CFAP141: variants seen among roughly 807,000 people sequenced by gnomAD.
CFAP141 encodes the protein cilia and flagella associated protein 141, also known as cilia- and flagella-associated protein 141.
chr1:154,205,527 G>A, the CFAP141 span: 9 of 1,386,290 alleles, frequency 6.5e-6, no homozygotes, highest in South Asian at 2.3e-5. Context: ...GAGTTGGGAG[G>A]TGGCTCAGGG....
the CFAP141 span, among the ~76,000 whole-genome samples, chr1:154,200,228 C>T: frequency 6.6e-6 from 1 of 152,202 alleles, no homozygotes; most frequent in South Asian, 2.1e-4. Flanking sequence ...CTAGAGTATA[C>T]TTTGGGACTT....
At chr1:154,201,587 C>T in the CFAP141 span, among the ~76,000 whole-genome samples, 1 of 151,628 alleles carries the variant, frequency 6.6e-6, no homozygotes, top group Non-Finnish European at 1.5e-5. Flanking sequence ...GAGGTTTCAC[C>T]GTGTTGGCCA....
At chr1:154,202,866 A>G in the CFAP141 span, among the ~76,000 whole-genome samples, 1 of 151,470 alleles carries the variant, frequency 6.6e-6, no homozygotes, top group Non-Finnish European at 1.5e-5. Context: ...CATGCCTGTA[A>G]TCCCAGCACT....
At chr1:154,200,668 GTTTCTTTTTTCTT>G in the CFAP141 span, 2 of 1,427,782 alleles carry the variant, frequency 1.4e-6, no homozygotes, top group African/African-American at 2.9e-5. Context: ...GAGTGAGGCT[GTTTCTTTTTTCTT>G]TTTCTTTTCT....
At chr1:154,205,487 C>T in the CFAP141 span, 2 of 1,007,664 alleles carry the variant, frequency 2.0e-6, no homozygotes, top group Non-Finnish European at 3.2e-6. Flanking sequence ...ATCTGTTTTC[C>T]TCTTGATGAG....
At chr1:154,201,234 G>C in the CFAP141 span, among the ~76,000 whole-genome samples, 4 of 152,080 alleles carry the variant, frequency 2.6e-5, no homozygotes, top group Non-Finnish European at 5.9e-5. Flanking sequence ...GGGTTCAAGT[G>C]ATTCTCCTGC....
At chr1:154,199,165 GC>G in the CFAP141 span, among the ~76,000 whole-genome samples, 1 of 150,972 alleles carries the variant, frequency 6.6e-6, no homozygotes, top group Admixed American at 6.6e-5. Context: ...CCCCACCCCT[GC>G]CCCCTTACAT....
chr1:154,203,598 T>A, the CFAP141 span, among the ~76,000 whole-genome samples: 1 of 151,958 alleles, frequency 6.6e-6, no homozygotes, highest in Non-Finnish European at 1.5e-5. Flanking sequence ...TTTTTATTTT[T>A]TTGTAGAGAC....
the CFAP141 span, among the ~76,000 whole-genome samples, chr1:154,203,770 C>CT: frequency 6.6e-6 from 1 of 151,556 alleles, no homozygotes; most frequent in Non-Finnish European, 1.5e-5. Flanking sequence ...AGTACATCTT[C>CT]TTTTTTAAAA....
At chr1:154,200,549 T>C in the CFAP141 span, 1 of 1,614,106 alleles carries the variant, frequency 6.2e-7, no homozygotes, top group Non-Finnish European at 8.5e-7. Flanking sequence ...TCTGGCCCAA[T>C]GCCATTTGCC....
the CFAP141 span, among the ~76,000 whole-genome samples, chr1:154,199,207 G>A: frequency 6.6e-6 from 1 of 152,060 alleles, no homozygotes; most frequent in Non-Finnish European, 1.5e-5. Context: ...TGACCACAAG[G>A]CGTCACTCTT....
At chr1:154,205,253 C>T in the CFAP141 span, among the ~76,000 whole-genome samples, 1 of 152,158 alleles carries the variant, frequency 6.6e-6, no homozygotes. Context: ...TCTTCTCATT[C>T]ACTGGTTCAA....
At chr1:154,204,582 A>G in the CFAP141 span, among the ~76,000 whole-genome samples, 1 of 148,842 alleles carries the variant, frequency 6.7e-6, no homozygotes, top group African/African-American at 2.5e-5. Flanking sequence ...TGCCCAGCTC[A>G]TTTTGTTTTG....
the CFAP141 span, among the ~76,000 whole-genome samples, chr1:154,199,741 T>G: frequency 6.6e-6 from 1 of 152,262 alleles, no homozygotes; most frequent in East Asian, 1.9e-4. Context: ...CAGCAAATAT[T>G]TGCTGAGAAC....
chr1:154,199,861 C>T, the CFAP141 span, among the ~76,000 whole-genome samples: 1 of 152,036 alleles, frequency 6.6e-6, no homozygotes, highest in Non-Finnish European at 1.5e-5. Flanking sequence ...GTGATACGCA[C>T]TAAGAGGCAG....
chr1:154,199,283 A>G, the CFAP141 span: 2 of 582,946 alleles, frequency 3.4e-6, no homozygotes, highest in East Asian at 2.8e-5. Flanking sequence ...AGAGTGGAGA[A>G]GTGAGAGTGG....
At chr1:154,199,535 G>A in the CFAP141 span, 5 of 1,589,702 alleles carry the variant, frequency 3.1e-6, no homozygotes, top group Non-Finnish European at 4.3e-6. Flanking sequence ...GGACCTGGTG[G>A]AGAGGGCAGA....
the CFAP141 span, chr1:154,199,505 C>G: frequency 6.2e-7 from 1 of 1,613,124 alleles, no homozygotes; most frequent in Admixed American, 1.7e-5. Flanking sequence ...TTTCAAACAG[C>G]TGGTGCAGGG....
At chr1:154,202,880 G>A in the CFAP141 span, among the ~76,000 whole-genome samples, 1 of 151,742 alleles carries the variant, frequency 6.6e-6, no homozygotes, top group African/African-American at 2.4e-5. Context: ...CAGCACTTCG[G>A]GAGGCTGAGG....
Sources: allele counts gnomAD v4.1 joint callset (sites outside exome capture counted in the v4.1 genomes callset), GRCh38; gene constraint gnomAD v4.1.1; transcripts MANE v1.5; gene names NCBI Gene and HGNC (gene_info 2026-07-23, HGNC 2026-07-21).